The following DDX18 variants were observed in gnomAD, a reference collection of about 807,000 sequenced individuals.
DDX18 encodes the protein DEAD-box helicase 18.
In DDX18, 23 loss-of-function variants were observed where a neutral mutation model predicts 73.5. The observed-to-expected ratio is 0.31, with a 90% CI of 0.23 to 0.44. The LOEUF (loss-of-function observed/expected upper bound fraction) is 0.44, where lower values mean the gene tolerates loss of function less well. DDX18 is among the 20% of genes least tolerant of loss of function. The pLI, the probability that DDX18 is intolerant of heterozygous loss-of-function variation, is 1.00. For missense variants in DDX18, 753 were observed against 792.9 expected, an observed-to-expected ratio of 0.95 and a Z score of 0.60; for synonymous variants, 268 against 282.7, an observed-to-expected ratio of 0.95 and a Z score of 0.52.
At chr2:117,818,817 CA>C (rs536967788) in intron 2 of DDX18, among the ~76,000 whole-genome samples, 1 of 152,136 alleles carries the variant, frequency 6.6e-6, no homozygotes, top group South Asian at 2.1e-4. Flanking sequence ...CCACCACACC[CA>C]ACCACCTTAT....
chr2:117,822,088 G>A (rs757335500), intron 6 of DDX18, 27 bp downstream of exon 6: 2 of 1,613,664 alleles, frequency 1.2e-6, no homozygotes, highest in East Asian at 2.2e-5. Context: ...TTGTCTCATT[G>A]TCTTGTATGA....
At chr2:117,822,850 G>A (rs1276003082) in intron 7 of DDX18, 3 of 151,014 alleles carry the variant, frequency 2.0e-5, no homozygotes, top group South Asian at 4.1e-4. Flanking sequence ...CCCCAGGTGA[G>A]TATTGATCTG....
Position 117,822,059 on chromosome 2 carries a change from C to G in DDX18, c.949C>G (p.Gln317Glu), listed in dbSNP as rs1679854392. The G allele has an allele frequency of 1.2e-6, 2 of 1,613,878 alleles. No individual in the cohort carries two copies. Among genetic ancestry groups the G allele is most frequent in the African/African-American group, 2.7e-5 (2 of 74,904 alleles). Residue 317 changes from glutamine (Q) to glutamate (E), a missense_variant and splice_region_variant, in exon 6 of 14, where the codon CAG (glutamine) becomes GAG (glutamate). Transcript: ENST00000263239. Reference sequence around the variant, plus strand: ...ACCAGGCCGTCTGCTGGACCATATGCAGGTAAGAGATGTAGTGCTTGTCTC... The same window carrying G: ...ACCAGGCCGTCTGCTGGACCATATGGAGGTAAGAGATGTAGTGCTTGTCTC... ...ATPGRLLDHMQNTPGFMYKNL... is the reference protein window; with the variant it reads ...ATPGRLLDHMENTPGFMYKNL...
Position 117,831,000 on chromosome 2 carries a change from C to T in DDX18, c.*276C>T, listed in dbSNP as rs750332131. 5 of 372,256 alleles carry T rather than the reference C, an allele frequency of 1.3e-5. No homozygotes were observed. Among genetic ancestry groups the T allele is most frequent in the Non-Finnish European group, 1.9e-5 (4 of 208,358 alleles). The allele number at this position is 372,256 out of a possible 1,614,324, so 23.1% of individuals were successfully genotyped here. On this transcript the variant is annotated 3_prime_UTR_variant, in exon 14 of 14. Coordinates refer to ENST00000263239, the MANE Select transcript of DDX18 (RefSeq NM_006773.4). ...TAATATTTTAATTTTAAATATCCCTCCCTCATACAAGTGTATGTTACCATT... is the reference window on the plus strand; with the variant it reads ...TAATATTTTAATTTTAAATATCCCTTCCTCATACAAGTGTATGTTACCATT...
intron 7 of DDX18, chr2:117,822,857 T>A (rs1156790940): frequency 1.3e-5 from 2 of 150,660 alleles, no homozygotes. Context: ...TGAGTATTGA[T>A]CTGTTTTCTG....
chr2:117,820,866 A>G (rs1010415748), intron 3 of DDX18, among the ~76,000 whole-genome samples: 2 of 151,874 alleles, frequency 1.3e-5, no homozygotes, highest in African/African-American at 4.8e-5. Flanking sequence ...CTGGACTCTC[A>G]TTATTTTCCT....
At chr2:117,818,731 A>G (rs1679799285) in intron 2 of DDX18, among the ~76,000 whole-genome samples, 1 of 152,084 alleles carries the variant, frequency 6.6e-6, no homozygotes, top group Non-Finnish European at 1.5e-5. Context: ...TGTGTTGTCC[A>G]AGCTGGTCTT....
intron 7 of DDX18, 73 bp from the exon 8 acceptor site, chr2:117,824,496 A>G: frequency 8.0e-7 from 1 of 1,257,734 alleles, no homozygotes; most frequent in Non-Finnish European, 1.0e-6. Context: ...TCTACCTAGA[A>G]TATTTGTAGT....
chr2:117,825,012 AAGC>A lies in DDX18; in HGVS notation c.1280_1282del (p.Lys427_Leu428delinsIle), dbSNP rs1679901368. On this transcript the variant is annotated inframe_deletion, in exon 9 of 14. Transcript: ENST00000263239. Reference sequence around the variant, plus strand: ...ATTCCTTAAGAAGAACCGAAAGAAGAAGCTTATGGTCTTCTTTTCATCTTGTAT... The same window carrying A: ...ATTCCTTAAGAAGAACCGAAAGAAGATTATGGTCTTCTTTTCATCTTGTAT... 1.2e-6 allele frequency: 2 copies of A among 1,613,834 alleles called. No homozygotes were observed. Among genetic ancestry groups the A allele is most frequent in the African/African-American group, 2.7e-5 (2 of 74,896 alleles).
intron 11 of DDX18, 152 bp downstream of exon 11, chr2:117,826,534 G>T: frequency 1.4e-6 from 1 of 709,710 alleles, no homozygotes; most frequent in Non-Finnish European, 2.3e-6. Flanking sequence ...TGTACTTCTA[G>T]CCCAAGAAGT....
chr2:117,818,398 A>G (rs1004748352), intron 2 of DDX18, among the ~76,000 whole-genome samples: 3 of 152,216 alleles, frequency 2.0e-5, no homozygotes, highest in African/African-American at 7.2e-5. Context: ...TAAACTATTT[A>G]CTATCTGGCC....
intron 1 of DDX18, among the ~76,000 whole-genome samples, chr2:117,815,343 C>T (rs1215767559): frequency 6.6e-6 from 1 of 152,220 alleles, no homozygotes; most frequent in African/African-American, 2.4e-5. Context: ...CCTTCCTCTA[C>T]CCACTTCCAC....
intron 11 of DDX18, chr2:117,828,498 T>A (rs1679970918): frequency 6.5e-6 from 1 of 153,338 alleles, no homozygotes; most frequent in South Asian, 2.1e-4. Flanking sequence ...TTTCTAGTTA[T>A]CTAATGAGTG....
At chr2:117,820,240 T>G (rs1249392247) in intron 3 of DDX18, among the ~76,000 whole-genome samples, 2 of 152,246 alleles carry the variant, frequency 1.3e-5, no homozygotes, top group East Asian at 1.9e-4. Context: ...TTGGTTGGTT[T>G]GTTAAAATGT....
chr2:117,827,816 A>T (rs1270353343), intron 11 of DDX18: 1 of 152,152 alleles, frequency 6.6e-6, no homozygotes, highest in Non-Finnish European at 1.5e-5. Context: ...TAGCAGCATG[A>T]TTTATAATCC....
At position 117,824,557 on chromosome 2, in the gene DDX18, T is replaced by C; in HGVS notation, c.1067-12T>C. The C allele has an allele frequency of 7.2e-7, 1 of 1,379,666 alleles. No individual in the cohort carries two copies. The highest frequency in any genetic ancestry group is 2.1e-5 in the South Asian group (1 of 46,890). The allele number at this position is 1,379,666 out of a possible 1,614,324, so 85.5% of individuals were successfully genotyped here. ...AAAAGATTGGGGTTATTTTTATATG[T>C]ATCTGTTTCAGCACGTAGACAGACT... On this transcript the variant is annotated splice_polypyrimidine_tract_variant and intron_variant, in intron 7 of 13. Coordinates refer to ENST00000263239, the MANE Select transcript of DDX18 (RefSeq NM_006773.4).
chr2:117,830,227 A>C lies in DDX18; in HGVS notation c.1871-355A>C, dbSNP rs76657437. On this transcript the variant is annotated intron_variant, in intron 13 of 13. Coordinates refer to ENST00000263239, the MANE Select transcript of DDX18 (RefSeq NM_006773.4). ...ATTCCTAAATCAATTCCGAAGAGAA[A>C]TGATAGTCATTTGTTTTGACACAGG... Among the ~76,000 whole-genome samples, 18 of 152,338 alleles carry C rather than the reference A, an allele frequency of 1.2e-4. No homozygotes were observed. The East Asian group carries it at 3.1e-3, about 26-fold the overall frequency.
rs571648865 is a variant in DDX18, at chr2:117,831,840, A to G, written c.*1116A>G. On this transcript the variant is annotated 3_prime_UTR_variant, in exon 14 of 14. Coordinates refer to ENST00000263239, the MANE Select transcript of DDX18 (RefSeq NM_006773.4). ...TGATTTCTAGTGTGTTTTGTACAGT[A>G]TATAACTACAAGATAGTACATTTTG... The G allele has an allele frequency of 1.3e-5, 2 of 152,360 alleles. No individual in the cohort carries two copies. The highest frequency in any genetic ancestry group is 4.8e-5 in the African/African-American group (2 of 41,584). The allele number at this position is 152,360 out of a possible 1,614,324, so 9.4% of individuals were successfully genotyped here.
At chr2:117,830,553 T>G (rs200911858) in intron 13 of DDX18, 29 bp from the exon 14 acceptor site, 86 of 1,604,586 alleles carry the variant, frequency 5.4e-5, no homozygotes, top group Non-Finnish European at 6.8e-5. Flanking sequence ...TTATCTTTTT[T>G]GCTTGATTTC....
Sources: allele counts gnomAD v4.1 joint callset (sites outside exome capture counted in the v4.1 genomes callset), GRCh38; gene constraint gnomAD v4.1.1; transcripts MANE v1.5; gene names NCBI Gene and HGNC (gene_info 2026-07-23, HGNC 2026-07-21).